Variants in ABHD2 observed in about 807,000 individuals in gnomAD.
ABHD2 encodes abhydrolase domain containing 2, acylglycerol lipase, also known as monoacylglycerol lipase ABHD2.
Under a neutral mutation model 48.1 loss-of-function variants are expected in ABHD2, and 20 were observed. The ratio of observed to expected loss-of-function variants is 0.42; its 90% CI spans 0.29 to 0.60. The LOEUF is 0.60. Ranked by LOEUF, ABHD2 falls within the 20% of genes least tolerant of loss-of-function variation. The pLI is 0.24. For synonymous variants in ABHD2, 209 were observed against 214.2 expected (o/e 0.98, Z 0.21); for missense variants, 405 against 550.9 (o/e 0.74, Z 2.65).
At chr15:89,050,010 C>T in the ABHD2 span, among the ~76,000 whole-genome samples, 1 of 152,232 alleles carries the variant, frequency 6.6e-6, no homozygotes, top group Non-Finnish European at 1.5e-5. Flanking sequence ...CCACCAAACA[C>T]TAACTCCCTT....
At chr15:89,082,009 A>G in the ABHD2 span, among the ~76,000 whole-genome samples, 1 of 152,078 alleles carries the variant, frequency 6.6e-6, no homozygotes, top group African/African-American at 2.4e-5. This position sits in a 1 kb window ranked among gnomAD's most constrained non-coding sequence, Gnocchi z 4.4. Context: ...ATTTGGGATA[A>G]TTCTTTGTTG....
chr15:89,058,666 G>A, the ABHD2 span, among the ~76,000 whole-genome samples: 1 of 152,070 alleles, frequency 6.6e-6, no homozygotes, highest in Non-Finnish European at 1.5e-5. Context: ...TGGAAATCTG[G>A]GTTGTGACAG....
rs2051466934 is a variant in ABHD2, at chr15:89,201,705, A to C, written c.*6282A>C. On this transcript the variant is annotated 3_prime_UTR_variant, in exon 11 of 11. Transcript: ENST00000352732. ...ATTTCGCAATTTAAGATTTGTAGTG[A>C]CTACATCTGTGAAGGGGCCTTTGAA... is the stretch of plus-strand genomic sequence containing the variant. The C allele has an allele frequency of 2.5e-6, 4 of 1,607,948 alleles. No homozygotes were observed. Among genetic ancestry groups the C allele is most frequent in the Admixed American group, 3.3e-5 (2 of 59,992 alleles).
intron 5 of ABHD2, among the ~76,000 whole-genome samples, chr15:89,170,254 G>T (rs1243256260): frequency 6.6e-6 from 1 of 151,412 alleles, no homozygotes; most frequent in Non-Finnish European, 1.5e-5. Context: ...TGTCACCACT[G>T]CCTGGATAAT....
chr15:89,149,904 C>T (rs1015740656), intron 3 of ABHD2, among the ~76,000 whole-genome samples: 29 of 152,018 alleles, frequency 1.9e-4, no homozygotes, highest in Non-Finnish European at 3.5e-4. Context: ...CCTCCATTGG[C>T]GGGTGGATGA....
intron 5 of ABHD2, among the ~76,000 whole-genome samples, chr15:89,160,299 C>T (rs1219435479): frequency 1.3e-5 from 2 of 152,136 alleles, no homozygotes; most frequent in Non-Finnish European, 2.9e-5. Flanking sequence ...TTAATCATAT[C>T]CTCATGTAAG....
intron 5 of ABHD2, among the ~76,000 whole-genome samples, chr15:89,172,182 T>G (rs1336325117): frequency 6.6e-6 from 1 of 152,212 alleles, no homozygotes; most frequent in Non-Finnish European, 1.5e-5. Flanking sequence ...TCCTAACCAT[T>G]TTTAAGTGTA....
intron 3 of ABHD2, among the ~76,000 whole-genome samples, chr15:89,125,495 C>T (rs2050117555): frequency 6.6e-6 from 1 of 152,180 alleles, no homozygotes; most frequent in South Asian, 2.1e-4. Flanking sequence ...TAGGCAATTT[C>T]ATCTTAAAAT....
Position 89,106,473 on chromosome 15 carries a change from C to G in ABHD2, c.-106-7252C>G, listed in dbSNP as rs293389. 5.9e-5 allele frequency: 9 copies of G among 151,774 alleles called. No individual in the cohort carries two copies. Among genetic ancestry groups the G allele is most frequent in the African/African-American group, 2.2e-4 (9 of 41,294 alleles). 9.4% of individuals were successfully genotyped at this position (151,774 alleles called of 1,614,324 possible). ...ACCTTACCGAGAGTGAGAACAGGGC[C>G]GGGTCGCCAGGGCTGTGCAGTTCCC... On this transcript the variant is annotated intron_variant, in intron 1 of 10. Transcript: ENST00000352732. This position sits in a 1 kb window ranked among gnomAD's most constrained non-coding sequence, Gnocchi z 4.2.
chr15:89,043,908 T>G, the ABHD2 span, among the ~76,000 whole-genome samples: 1 of 152,208 alleles, frequency 6.6e-6, no homozygotes, highest in South Asian at 2.1e-4. Context: ...TTTTAATTTT[T>G]TATTATTATT....
chr15:89,056,833 G>T, the ABHD2 span, among the ~76,000 whole-genome samples: 1 of 150,738 alleles, frequency 6.6e-6, no homozygotes, highest in South Asian at 2.1e-4. Flanking sequence ...CAGAGTTTGT[G>T]TGCAGGCAGT....
chr15:89,149,738 C>T (rs1347656820), intron 3 of ABHD2, among the ~76,000 whole-genome samples: 1 of 152,212 alleles, frequency 6.6e-6, no homozygotes, highest in Non-Finnish European at 1.5e-5. Flanking sequence ...TTCAACACCA[C>T]GTGTACCTGT....
Position 89,151,770 on chromosome 15 carries a change from G to A in ABHD2, c.288G>A (p.Gly96=), listed in dbSNP as rs777367221. The A allele has an allele frequency of 7.4e-6, 12 of 1,614,086 alleles. No homozygotes were observed. The African/African-American group carries it at 9.3e-5, about 13-fold the overall frequency. Residue 96 remains glycine (G), a synonymous_variant, in exon 4 of 11, where the codon GGG becomes GGA. Transcript: ENST00000352732. The surrounding 1 kb of genome is among the most constrained non-coding windows in gnomAD (Gnocchi z 4.7). ...MGRVRSPHPY[G]HRKFITMSDG... ...GGGTGAGGTCGCCACATCCTTATGG[G>A]CACCGGAAGTTCATCACTATGTCTG...
At chr15:89,074,244 C>T in the ABHD2 span, among the ~76,000 whole-genome samples, 7 of 152,044 alleles carry the variant, frequency 4.6e-5, no homozygotes, top group Non-Finnish European at 1.0e-4. Flanking sequence ...GGCGTGATGG[C>T]GTGCTCCTGT....
intron 3 of ABHD2, among the ~76,000 whole-genome samples, chr15:89,142,756 C>T (rs2050425854): frequency 6.6e-6 from 1 of 152,114 alleles, no homozygotes. Context: ...TACTTTTCAG[C>T]TCATATCGTC....
intron 5 of ABHD2, among the ~76,000 whole-genome samples, chr15:89,158,217 C>T (rs2050705872): frequency 6.6e-6 from 1 of 152,162 alleles, no homozygotes; most frequent in Non-Finnish European, 1.5e-5. Flanking sequence ...CCGTAAAATT[C>T]TGATGAAAAA....
chr15:89,109,381 A>G (rs1309292785), intron 1 of ABHD2, among the ~76,000 whole-genome samples: 1 of 152,168 alleles, frequency 6.6e-6, no homozygotes, highest in Non-Finnish European at 1.5e-5. Context: ...ATAAAATGGC[A>G]GGGAAGGTGT....
chr15:89,081,644 A>G, the ABHD2 span, among the ~76,000 whole-genome samples: 27 of 152,174 alleles, frequency 1.8e-4, no homozygotes, highest in African/African-American at 6.5e-4. Flanking sequence ...AGGCAGGGGA[A>G]TCACTTGAGG....
the ABHD2 span, among the ~76,000 whole-genome samples, chr15:89,078,565 A>G: frequency 6.6e-6 from 1 of 152,284 alleles, no homozygotes; most frequent in East Asian, 1.9e-4. Flanking sequence ...GTTAGGAATG[A>G]GTATGTGATA....
Sources: gnomAD v4.1 joint callset for allele counts (sites outside exome capture counted in the v4.1 genomes callset) on GRCh38, gnomAD v4.1.1 for gene constraint, Gnocchi (gnomAD v3.1) non-coding constraint, MANE v1.5 for transcripts, NCBI Gene and HGNC (gene_info 2026-07-23, HGNC 2026-07-21) for gene names.